The following CSMD2 variants were observed in gnomAD, a reference collection of about 807,000 sequenced individuals.
CSMD2 encodes the protein CUB and sushi domain-containing protein 2.
In CSMD2, 130 loss-of-function variants were observed where a neutral mutation model predicts 398.5. The observed-to-expected ratio is 0.33, with a 90% CI of 0.28 to 0.38. CSMD2 has a LOEUF of 0.38. CSMD2 is among the 10% of genes least tolerant of loss of function. The pLI is 1.00. For synonymous variants in CSMD2, 1,828 were observed against 1,908.5 expected, an observed-to-expected ratio of 0.96 and a Z score of 1.10; for missense variants, 3,829 against 4,764.9, an observed-to-expected ratio of 0.80 and a Z score of 5.78.
chr1:33,915,246 G>C (rs543945578), intron 5 of CSMD2, among the ~76,000 whole-genome samples: 1 of 152,276 alleles, frequency 6.6e-6, no homozygotes, highest in Admixed American at 6.5e-5. Flanking sequence ...AAATCTTAAT[G>C]TATGCTTACA....
Position 33,810,766 on chromosome 1 carries a change from T to G in CSMD2, c.1423A>C (p.Ile475Leu), listed in dbSNP as rs1417295049. The G allele has an allele frequency of 1.9e-6, 3 of 1,613,342 alleles. No homozygotes were observed. The highest frequency in any genetic ancestry group is 2.5e-6 in the Non-Finnish European group (3 of 1,179,730). ...YDNNAHCVWI[I>L]TALNPSKVIK... ...ACCTTGGAGGGGTTGAGTGCTGTGA[T>G]GATCCACACACAGTGTGCATTGTTG... The change falls in exon 10 of 71, where the codon ATC becomes CTC. Residue 475 changes from isoleucine to leucine, a missense_variant. Coordinates refer to ENST00000373381, the MANE Select transcript of CSMD2 (RefSeq NM_001281956.2).
chr1:33,545,937 GT>G (rs1177941686), intron 57 of CSMD2, 99 bp downstream of exon 57: 19 of 1,204,718 alleles, frequency 1.6e-5, no homozygotes, highest in Non-Finnish European at 2.0e-5. Flanking sequence ...TGGGGCCACG[GT>G]TTTTTTCTGT....
At chr1:34,041,726 G>A (rs1287917315) in intron 2 of CSMD2, among the ~76,000 whole-genome samples, 2 of 152,114 alleles carry the variant, frequency 1.3e-5, no homozygotes, top group Non-Finnish European at 2.9e-5. Context: ...GAGTTGGCAA[G>A]GCAAAGGATA....
intron 1 of CSMD2, among the ~76,000 whole-genome samples, chr1:34,147,116 G>A (rs1639843748): frequency 6.6e-6 from 1 of 152,042 alleles, no homozygotes; most frequent in Non-Finnish European, 1.5e-5. Context: ...AAATTAGCTG[G>A]GCATGGTGGC....
At chr1:34,068,438 T>G (rs935832371) in intron 2 of CSMD2, among the ~76,000 whole-genome samples, 1 of 152,224 alleles carries the variant, frequency 6.6e-6, no homozygotes, top group Non-Finnish European at 1.5e-5. Flanking sequence ...GATTAAAAAA[T>G]TATTCATAAT....
Position 33,577,338 on chromosome 1 carries a change from G to T in CSMD2, c.7534C>A (p.Gln2512Lys), listed in dbSNP as rs1638344157. 2 of 1,613,686 alleles carry T rather than the reference G, an allele frequency of 1.2e-6. No homozygotes were observed. The highest frequency in any genetic ancestry group is 8.5e-7 in the Non-Finnish European group (1 of 1,179,816). The part of the protein sequence containing the change: ...HSMAICTRHP[Q>K]GYHLWSEAIP... Reference sequence around the variant, plus strand: ...GCTTCGCTCCACAGGTGGTAGCCCTGGGGGTGCCGGGTACAGATGGCCATG... The same window carrying T: ...GCTTCGCTCCACAGGTGGTAGCCCTTGGGGTGCCGGGTACAGATGGCCATG... The change falls in exon 49 of 71, where the codon CAG becomes AAG. Residue 2512 changes from glutamine to lysine, a missense_variant. Gln to Lys is a moderately conservative substitution (Grantham distance 53). Coordinates refer to ENST00000373381, the MANE Select transcript of CSMD2 (RefSeq NM_001281956.2).
intron 5 of CSMD2, among the ~76,000 whole-genome samples, chr1:33,880,325 C>A (rs1326438875): frequency 1.3e-5 from 2 of 152,144 alleles, no homozygotes; most frequent in Non-Finnish European, 2.9e-5. Context: ...TTTCTGCCAG[C>A]ATTTGTGTTC....
chr1:33,813,648 T>C (rs1180005893), intron 9 of CSMD2, among the ~76,000 whole-genome samples: 1 of 152,086 alleles, frequency 6.6e-6, no homozygotes, highest in South Asian at 2.1e-4. Context: ...CAGGGGACCA[T>C]AGGGAGCTAC....
At chr1:33,984,808 G>A (rs1254537430) in intron 3 of CSMD2, among the ~76,000 whole-genome samples, 2 of 151,194 alleles carry the variant, frequency 1.3e-5, no homozygotes, top group Admixed American at 1.3e-4. Flanking sequence ...AAAGGGAAAG[G>A]GAGAAGGGAG....
chr1:33,652,236 C>A (rs1019208699), intron 28 of CSMD2, 87 bp downstream of exon 28: 20 of 1,404,648 alleles, frequency 1.4e-5, no homozygotes, highest in Non-Finnish European at 1.8e-5. Context: ...CTGCTACAGA[C>A]CTGTGAATAC....
chr1:34,032,717 A>T lies in CSMD2; in HGVS notation c.405-11T>A, dbSNP rs766765777. 47 of 1,560,204 alleles carry T rather than the reference A, an allele frequency of 3.0e-5. No homozygotes were observed. Among genetic ancestry groups the T allele is most frequent in the Non-Finnish European group, 3.6e-5 (41 of 1,147,230 alleles). Reference sequence around the variant, plus strand: ...TGAAAGCCTGTGAGCCTGAAAGACAAAGAATTGGATTAGGGAGAATGACCC... The same window carrying T: ...TGAAAGCCTGTGAGCCTGAAAGACATAGAATTGGATTAGGGAGAATGACCC... On this transcript the variant is annotated splice_polypyrimidine_tract_variant and intron_variant, in intron 2 of 70. Transcript: ENST00000373381.
At chr1:33,851,913 C>T (rs573552559) in intron 5 of CSMD2, among the ~76,000 whole-genome samples, 1 of 152,148 alleles carries the variant, frequency 6.6e-6, no homozygotes, top group Non-Finnish European at 1.5e-5. Flanking sequence ...GCCCCTCAGC[C>T]TCCCAAGGCT....
intron 25 of CSMD2, among the ~76,000 whole-genome samples, chr1:33,682,678 C>T (rs544558439): frequency 7.9e-5 from 12 of 152,162 alleles, no homozygotes; most frequent in Middle Eastern, 3.4e-3. Context: ...CTGTGTGAGT[C>T]GGTTTTGCCA....
At chr1:33,926,063 T>C (rs1030415730) in intron 4 of CSMD2, among the ~76,000 whole-genome samples, 1 of 152,164 alleles carries the variant, frequency 6.6e-6, no homozygotes, top group African/African-American at 2.4e-5. Context: ...TAATTAATGA[T>C]TTTCCATAAT....
At chr1:33,573,835 C>T (rs560089128) in intron 49 of CSMD2, among the ~76,000 whole-genome samples, 1 of 152,090 alleles carries the variant, frequency 6.6e-6, no homozygotes, top group Non-Finnish European at 1.5e-5. Context: ...GAGAATCCCT[C>T]TTAGATTCAC....
chr1:33,610,895 A>C, intron 41 of CSMD2, 146 bp downstream of exon 41: 1 of 721,054 alleles, frequency 1.4e-6, no homozygotes, highest in Non-Finnish European at 2.3e-6. Context: ...CTGCCACCAA[A>C]AGGAAGCTTC....
chr1:33,663,629 T>C (rs1014401427), intron 25 of CSMD2, among the ~76,000 whole-genome samples: 3 of 152,168 alleles, frequency 2.0e-5, no homozygotes, highest in Non-Finnish European at 2.9e-5. Flanking sequence ...ATTAGCTATA[T>C]GTAGGCCTGG....
intron 47 of CSMD2, among the ~76,000 whole-genome samples, chr1:33,582,137 G>T (rs1317963971): frequency 1.3e-5 from 2 of 152,152 alleles, no homozygotes; most frequent in African/African-American, 2.4e-5. Context: ...AAACTGATGG[G>T]GAGAGACACT....
At chr1:33,730,882 C>T (rs1161230194) in intron 15 of CSMD2, among the ~76,000 whole-genome samples, 4 of 152,162 alleles carry the variant, frequency 2.6e-5, no homozygotes, top group African/African-American at 9.7e-5. Flanking sequence ...TAGCTGTGTT[C>T]ATTGAAAAGG....
Sources: gnomAD v4.1 joint callset for allele counts (sites outside exome capture counted in the v4.1 genomes callset) on GRCh38, gnomAD v4.1.1 for gene constraint, MANE v1.5 for transcripts, NCBI Gene and HGNC (gene_info 2026-07-23, HGNC 2026-07-21) for gene names.